CDH13: variants seen among roughly 807,000 people sequenced by gnomAD.
CDH13 encodes the protein cadherin 13.
Under a neutral mutation model 63.8 loss-of-function variants are expected in CDH13, and 24 were observed. The ratio of observed to expected loss-of-function variants is 0.38; its 90% confidence interval spans 0.27 to 0.53. The LOEUF (loss-of-function observed/expected upper bound fraction) is 0.53. CDH13 is among the 20% of genes least tolerant of loss of function. The probability of loss-of-function intolerance (pLI) is 0.85; values close to 1 mark genes in which losing one functional copy is unlikely to be tolerated. For synonymous variants in CDH13, 503 were observed against 355.3 expected, an observed-to-expected ratio of 1.42 and a Z score of -4.67; for missense variants, 1,049 against 903.1, an observed-to-expected ratio of 1.16 and a Z score of -2.07.
chr16:83,206,057 C>T (rs4783333), intron 4 of CDH13, among the ~76,000 whole-genome samples: 1 of 152,100 alleles, frequency 6.6e-6, no homozygotes, highest in African/African-American at 2.4e-5. Flanking sequence ...TACGGGGTGG[C>T]CTGGTGTGCT....
chr16:82,893,420 A>C (rs1484395428), intron 2 of CDH13, among the ~76,000 whole-genome samples: 1 of 152,252 alleles, frequency 6.6e-6, no homozygotes, highest in Non-Finnish European at 1.5e-5. Flanking sequence ...CAAGAAAGAA[A>C]TGTGGACTGG....
chr16:82,931,519 T>G (rs1289353135), intron 2 of CDH13, among the ~76,000 whole-genome samples: 1 of 151,808 alleles, frequency 6.6e-6, no homozygotes, highest in Non-Finnish European at 1.5e-5. Context: ...CCCCCTTTTT[T>G]TTTTTTTTGA....
intron 6 of CDH13, among the ~76,000 whole-genome samples, chr16:83,368,950 T>G (rs563956321): frequency 7.7e-6 from 1 of 130,020 alleles, no homozygotes; most frequent in Non-Finnish European, 1.7e-5. Context: ...TAGGTTTTTT[T>G]AATCTGTTCA....
chr16:83,060,274 G>A (rs755364613), intron 3 of CDH13, among the ~76,000 whole-genome samples: 20 of 152,148 alleles, frequency 1.3e-4, no homozygotes, highest in Non-Finnish European at 1.6e-4. Context: ...AAGAATATAG[G>A]TCATTTGTCC....
At chr16:83,531,471 G>C (rs1362875969) in intron 7 of CDH13, among the ~76,000 whole-genome samples, 1 of 152,208 alleles carries the variant, frequency 6.6e-6, no homozygotes, top group Non-Finnish European at 1.5e-5. Flanking sequence ...GAGATGAGGG[G>C]TGAGGGGCTT....
chr16:83,615,568 G>A (rs1023756177), intron 8 of CDH13, among the ~76,000 whole-genome samples: 1 of 151,952 alleles, frequency 6.6e-6, no homozygotes, highest in Non-Finnish European at 1.5e-5. Flanking sequence ...GTGTGGCTGA[G>A]GTTTTAAATC....
chr16:83,387,494 A>C (rs2091698067), intron 6 of CDH13, among the ~76,000 whole-genome samples: 1 of 152,184 alleles, frequency 6.6e-6, no homozygotes, highest in South Asian at 2.1e-4. Flanking sequence ...TACACAGAGG[A>C]TTGTCATCCT....
chr16:83,058,525 A>C (rs4275838), intron 3 of CDH13, among the ~76,000 whole-genome samples: 4,796 of 152,244 alleles, frequency 0.032, 120 homozygotes, highest in South Asian at 0.064. Context: ...CTCTTGTCCA[A>C]ATTCCAACCA....
intron 10 of CDH13, 40 bp downstream of exon 10, chr16:83,678,501 A>G (rs1915148348): frequency 6.2e-7 from 1 of 1,610,406 alleles, no homozygotes; most frequent in Non-Finnish European, 8.5e-7. Context: ...GGAGGTGGGC[A>G]GGAATGGCTT....
At position 83,602,470 on chromosome 16, in the gene CDH13, A is replaced by C; in HGVS notation, c.977A>C (p.Lys326Thr). ...LLDRETLENP[K>T]YELIIEAQDM... ...GCTTTGTAGACTCTGGAAAATCCCA[A>C]GTATGAACTGATCATCGAGGCTCAA... The change falls in exon 8 of 14, where the codon AAG (lysine) becomes ACG (threonine). Residue 326 changes from lysine to threonine, a missense_variant. Coordinates refer to ENST00000567109, the MANE Select transcript of CDH13 (RefSeq NM_001257.5). The C allele has an allele frequency of 6.2e-7, 1 of 1,614,030 alleles. No homozygotes were observed. The highest frequency in any genetic ancestry group is 1.1e-5 in the South Asian group (1 of 91,086).
Position 83,552,052 on chromosome 16 carries a change from C to G in CDH13, c.961-50402C>G, listed in dbSNP as rs149106279. On this transcript the variant is annotated intron_variant, in intron 7 of 13. Transcript: ENST00000567109. ...GAATGGATTCATAAACTGATTCATTCCAGGGGAATACTAAGAAAATAGCAA... is the reference window on the plus strand; with the variant it reads ...GAATGGATTCATAAACTGATTCATTGCAGGGGAATACTAAGAAAATAGCAA... Among the ~76,000 whole-genome samples the G allele has an allele frequency of 7.4e-3, 1,131 of 152,290 alleles. 12 individuals carry two copies. The highest frequency in any genetic ancestry group is 0.025 in the African/African-American group (1,051 of 41,544).
intron 10 of CDH13, among the ~76,000 whole-genome samples, chr16:83,739,405 C>G (rs1024368730): frequency 1.3e-5 from 2 of 152,180 alleles, no homozygotes; most frequent in African/African-American, 4.8e-5. Flanking sequence ...CCTGGTTTCC[C>G]CAGGATGTTG....
At chr16:82,762,492 C>G (rs140373068) in intron 1 of CDH13, among the ~76,000 whole-genome samples, 1 of 152,104 alleles carries the variant, frequency 6.6e-6, no homozygotes. Flanking sequence ...TTAATAAACC[C>G]CTAAGTCAGT....
intron 7 of CDH13, among the ~76,000 whole-genome samples, chr16:83,566,580 T>A (rs770445944): frequency 6.6e-6 from 1 of 152,168 alleles, no homozygotes; most frequent in Non-Finnish European, 1.5e-5. Context: ...TCCTGTTCCC[T>A]GGACCCGCCC....
Position 82,794,205 on chromosome 16 carries a change from C to T in CDH13, c.46-64157C>T, listed in dbSNP as rs143160026. Among the ~76,000 whole-genome samples the T allele has an allele frequency of 3.1e-3, 458 of 149,470 alleles. 4 individuals are homozygous for T. Among genetic ancestry groups the T allele is most frequent in the African/African-American group, 0.011 (431 of 40,550 alleles). Reference sequence around the variant, plus strand: ...TTTCTTTTTTTTTTTAGTTCATCAGCTGTCGTTAGTGTTATTTTATGTGTT... The same window carrying T: ...TTTCTTTTTTTTTTTAGTTCATCAGTTGTCGTTAGTGTTATTTTATGTGTT... On this transcript the variant is annotated intron_variant, in intron 1 of 13. Transcript: ENST00000567109.
intron 6 of CDH13, among the ~76,000 whole-genome samples, chr16:83,425,416 G>C (rs189090551): frequency 6.6e-6 from 1 of 152,348 alleles, no homozygotes; most frequent in African/African-American, 2.4e-5. Context: ...CCACTTACCT[G>C]CTGCGTTCCC....
At chr16:83,362,431 C>G (rs1400534728) in intron 6 of CDH13, among the ~76,000 whole-genome samples, 1 of 152,194 alleles carries the variant, frequency 6.6e-6, no homozygotes, top group Middle Eastern at 3.2e-3. Flanking sequence ...TTGTCTTTAT[C>G]TCTTTTTGCC....
intron 2 of CDH13, among the ~76,000 whole-genome samples, chr16:82,990,546 G>GT (rs1911533335): frequency 7.4e-6 from 1 of 135,044 alleles, no homozygotes; most frequent in East Asian, 2.1e-4. Flanking sequence ...TTTTGGTTTG[G>GT]GTTTTTTTTT....
intron 5 of CDH13, among the ~76,000 whole-genome samples, chr16:83,293,227 A>G (rs531768112): frequency 6.6e-6 from 1 of 152,304 alleles, no homozygotes; most frequent in South Asian, 2.1e-4. Flanking sequence ...GAGGTCAGAG[A>G]CTGGTCTGGC....
Sources: allele counts gnomAD v4.1 joint callset (sites outside exome capture counted in the v4.1 genomes callset), GRCh38; gene constraint gnomAD v4.1.1; transcripts MANE v1.5; gene names NCBI Gene and HGNC (gene_info 2026-07-23, HGNC 2026-07-21).